The following ZNF184 variants were observed in gnomAD, a reference collection of about 807,000 sequenced individuals.
ZNF184 encodes the protein zinc finger protein 184 (Kruppel-like).
In ZNF184, 16 loss-of-function variants were observed where a neutral mutation model predicts 54.4. The observed-to-expected ratio is 0.29, with a 90% CI of 0.20 to 0.45. The LOEUF (loss-of-function observed/expected upper bound fraction) is 0.45. Ranked by LOEUF, ZNF184 falls within the 20% of genes least tolerant of loss-of-function variation. The pLI, the probability that ZNF184 is intolerant of heterozygous loss-of-function variation, is 1.00. For missense variants in ZNF184, 681 were observed against 888.2 expected (o/e 0.77, Z 2.97); for synonymous variants, 254 against 295.3 (o/e 0.86, Z 1.43).
chr6:27,437,076 C>T, the ZNF184 span, among the ~76,000 whole-genome samples: 4 of 152,170 alleles, frequency 2.6e-5, no homozygotes, highest in Admixed American at 6.5e-5. Flanking sequence ...TGTCAATACT[C>T]ATAGTCAACT....
chr6:27,469,354 T>C (rs1192285405), intron 2 of ZNF184, among the ~76,000 whole-genome samples: 1 of 152,176 alleles, frequency 6.6e-6, no homozygotes, highest in Non-Finnish European at 1.5e-5. Flanking sequence ...AAAATATGAA[T>C]GAGACTGGCT....
chr6:27,469,787 A>G (rs1219942490), intron 2 of ZNF184, among the ~76,000 whole-genome samples: 1 of 152,250 alleles, frequency 6.6e-6, no homozygotes, highest in African/African-American at 2.4e-5. Flanking sequence ...GATGTGTGAG[A>G]TAGTGGCAAT....
the ZNF184 span, among the ~76,000 whole-genome samples, chr6:27,433,292 C>T: frequency 3.9e-5 from 6 of 152,190 alleles, no homozygotes; most frequent in East Asian, 9.6e-4. Context: ...ATCACATGCA[C>T]CAGTCATTCT....
Position 27,457,315 on chromosome 6 carries a change from G to C in ZNF184, c.170C>G (p.Thr57Arg). ...PGQRDLFRDV[T>R]LENYTHLVSI... ...GACCAGGTGTGTATAATTTTCCAAT[G>C]TCACATCCCTGAACAAATCTCTCTG... Residue 57 changes from threonine (T) to arginine (R), a missense_variant, in exon 4 of 6, where the codon ACA (threonine) becomes AGA (arginine). Thr to Arg is a moderately conservative substitution (Grantham distance 71). Coordinates refer to ENST00000683788, the MANE Select transcript of ZNF184 (RefSeq NM_001318891.2). 1 of 1,613,968 alleles carries C rather than the reference G, an allele frequency of 6.2e-7. No individual in the cohort carries two copies.
chr6:27,446,071 T>C (rs1231939891), downstream of ZNF184, among the ~76,000 whole-genome samples: 1 of 152,170 alleles, frequency 6.6e-6, no homozygotes, highest in African/African-American at 2.4e-5. Context: ...CCTGGCCATA[T>C]AAATAATAGA....
At chr6:27,458,216 G>A (rs1384360640) in intron 3 of ZNF184, among the ~76,000 whole-genome samples, 3 of 142,210 alleles carry the variant, frequency 2.1e-5, no homozygotes, top group African/African-American at 5.2e-5. Context: ...GAGAGAGATC[G>A]ATAGATATAA....
the ZNF184 span, among the ~76,000 whole-genome samples, chr6:27,439,056 T>C: frequency 6.6e-6 from 1 of 152,284 alleles, no homozygotes. Context: ...TTTTAGAGTG[T>C]AGTATGCAGA....
At chr6:27,411,527 C>T in the ZNF184 span, among the ~76,000 whole-genome samples, 2 of 152,160 alleles carry the variant, frequency 1.3e-5, no homozygotes, top group African/African-American at 4.8e-5. Context: ...GTCATGAACA[C>T]AAAGCATAAT....
At chr6:27,404,724 A>T in the ZNF184 span, 1 of 152,346 alleles carries the variant, frequency 6.6e-6, no homozygotes, top group African/African-American at 2.4e-5. Context: ...ATATAAAAGT[A>T]TAGCACTAAA....
the ZNF184 span, among the ~76,000 whole-genome samples, chr6:27,426,858 A>G: frequency 0.043 from 6,589 of 152,212 alleles, 332 homozygotes; most frequent in African/African-American, 0.13. This position sits in a 1 kb window ranked among gnomAD's most constrained non-coding sequence, Gnocchi z 4.2. Context: ...TTAAAACTAC[A>G]CTGATAACAT....
At position 27,465,016 on chromosome 6, in the gene ZNF184, C is replaced by CAAAAAAAAAAAA. The variant is rs61602778; in HGVS notation, c.75+2825_75+2836dup. 4.5e-4 allele frequency among the ~76,000 whole-genome samples: 22 copies of CAAAAAAAAAAAA among 48,914 alleles called. 2 individuals carry two copies. Among genetic ancestry groups the CAAAAAAAAAAAA allele is most frequent in the African/African-American group, 1.0e-3 (9 of 8,696 alleles). 32.1% of individuals were successfully genotyped at this position (48,914 alleles called of 152,430 possible). ...TGGGCGACAGAGCAAGACTCTGTCT[C>CAAAAAAAAAAAA]AAAAAAAAAAAAAAAAAAAAATAGA... On this transcript the variant is annotated intron_variant, in intron 3 of 5. Transcript: ENST00000683788.
the ZNF184 span, among the ~76,000 whole-genome samples, chr6:27,444,603 C>G: frequency 1.3e-5 from 2 of 152,114 alleles, no homozygotes; most frequent in East Asian, 3.9e-4. Context: ...TCATATTAAG[C>G]CCTCCCATCA....
the ZNF184 span, among the ~76,000 whole-genome samples, chr6:27,422,161 A>AAAG: frequency 3.2e-4 from 14 of 43,752 alleles, no homozygotes; most frequent in African/African-American, 1.0e-3. Context: ...AGAAAGAAAG[A>AAAG]AAGAAAGAAA....
intron 3 of ZNF184, among the ~76,000 whole-genome samples, chr6:27,463,708 T>TA (rs1314285573): frequency 1.3e-5 from 2 of 151,536 alleles, no homozygotes; most frequent in Non-Finnish European, 2.9e-5. Flanking sequence ...CACACAAATA[T>TA]AAAAAAACAA....
chr6:27,467,300 G>T (rs1383400890), intron 3 of ZNF184, among the ~76,000 whole-genome samples: 1 of 152,012 alleles, frequency 6.6e-6, no homozygotes, highest in Non-Finnish European at 1.5e-5. Flanking sequence ...GCCTATTAAA[G>T]GATCAAGTTT....
At chr6:27,425,629 A>G in the ZNF184 span, among the ~76,000 whole-genome samples, 3 of 152,338 alleles carry the variant, frequency 2.0e-5, no homozygotes, top group East Asian at 5.8e-4. Context: ...TTTCTGCAAT[A>G]AACTTAAAAA....
the ZNF184 span, chr6:27,406,498 C>T: frequency 6.6e-6 from 1 of 152,228 alleles, no homozygotes; most frequent in Non-Finnish European, 1.5e-5. Flanking sequence ...CTTTGGTTGT[C>T]TGGTATCCCC....
At chr6:27,444,805 C>T in the ZNF184 span, among the ~76,000 whole-genome samples, 6 of 152,306 alleles carry the variant, frequency 3.9e-5, no homozygotes, top group Admixed American at 6.5e-5. Flanking sequence ...TGCTGCCTAC[C>T]TCACACATGG....
At chr6:27,411,187 G>T in the ZNF184 span, among the ~76,000 whole-genome samples, 1 of 152,224 alleles carries the variant, frequency 6.6e-6, no homozygotes, top group South Asian at 2.1e-4. Context: ...AATGCTATAT[G>T]GCCTCACATA....
Sources: gnomAD v4.1 joint callset for allele counts (sites outside exome capture counted in the v4.1 genomes callset) on GRCh38, gnomAD v4.1.1 for gene constraint, Gnocchi (gnomAD v3.1) non-coding constraint, MANE v1.5 for transcripts, NCBI Gene and HGNC (gene_info 2026-07-23, HGNC 2026-07-21) for gene names.